The following CADM2 variants were observed in gnomAD, a reference collection of about 807,000 sequenced individuals.
CADM2 encodes immunoglobulin superfamily member 4D.
CADM2 carries 12 observed loss-of-function variants against 49.8 expected under a neutral mutation model. That is an observed-to-expected ratio of 0.24 (90% CI 0.15 to 0.39). CADM2 has a LOEUF of 0.39. Among genes scored for constraint, CADM2 ranks in the 10% least tolerant of loss-of-function variants. CADM2 has a pLI of 1.00. For missense variants in CADM2, 378 were observed against 492.3 expected, an observed-to-expected ratio of 0.77 and a Z score of 2.20; for synonymous variants, 214 against 175.4, an observed-to-expected ratio of 1.22 and a Z score of -1.74.
intron 1 of CADM2, among the ~76,000 whole-genome samples, chr3:85,547,362 A>G (rs1014371230): frequency 1.3e-5 from 2 of 152,222 alleles, no homozygotes; most frequent in Non-Finnish European, 2.9e-5. Context: ...AACCAAGAAA[A>G]TATGAAGTGA....
intron 8 of CADM2, among the ~76,000 whole-genome samples, chr3:85,984,656 A>G (rs1727876896): frequency 6.6e-6 from 1 of 151,948 alleles, no homozygotes; most frequent in Non-Finnish European, 1.5e-5. Context: ...GATGTAAACC[A>G]GTATACACTG....
intron 1 of CADM2, among the ~76,000 whole-genome samples, chr3:85,463,226 C>G (rs528871761): frequency 1.3e-5 from 2 of 152,126 alleles, no homozygotes; most frequent in Admixed American, 1.3e-4. Flanking sequence ...GTTTCATAGG[C>G]CTTGTGAATG....
At chr3:85,983,590 CA>C (rs1487999395) in intron 8 of CADM2, among the ~76,000 whole-genome samples, 1 of 151,612 alleles carries the variant, frequency 6.6e-6, no homozygotes, top group Non-Finnish European at 1.5e-5. Flanking sequence ...GTAAAACAAA[CA>C]TGTTTACCAG....
At chr3:85,398,007 C>CA (rs1553718154) in intron 1 of CADM2, among the ~76,000 whole-genome samples, 1 of 148,508 alleles carries the variant, frequency 6.7e-6, no homozygotes, top group African/African-American at 2.5e-5. Flanking sequence ...TTTTCTTTTT[C>CA]TTTTTTTTTT....
intron 1 of CADM2, among the ~76,000 whole-genome samples, chr3:85,563,896 T>A (rs1276011703): frequency 6.6e-6 from 1 of 152,154 alleles, no homozygotes. Context: ...AACATAATCC[T>A]AGATCTTAAA....
At chr3:85,756,868 G>A (rs757888230) in intron 2 of CADM2, among the ~76,000 whole-genome samples, 82 of 152,068 alleles carry the variant, frequency 5.4e-4, no homozygotes, top group Non-Finnish European at 9.6e-4. Context: ...TCCCAAAGCT[G>A]AAAATTTAGG....
intron 1 of CADM2, among the ~76,000 whole-genome samples, chr3:85,250,658 C>T (rs569544408): frequency 6.6e-6 from 1 of 151,614 alleles, no homozygotes; most frequent in East Asian, 1.9e-4. Flanking sequence ...AGTTACATAT[C>T]TTTGGTATCT....
intron 1 of CADM2, among the ~76,000 whole-genome samples, chr3:85,591,674 T>G (rs2063112466): frequency 6.6e-6 from 1 of 151,992 alleles, no homozygotes; most frequent in Non-Finnish European, 1.5e-5. Context: ...GCAAGCTAAC[T>G]TTTCACCAAG....
chr3:85,071,201 AG>A (rs1395136086), intron 1 of CADM2, among the ~76,000 whole-genome samples: 1 of 151,968 alleles, frequency 6.6e-6, no homozygotes, highest in African/African-American at 2.4e-5. Context: ...TATATAGGTA[AG>A]ATGGGAGGGA....
At chr3:85,898,245 A>G (rs2108440809) in intron 5 of CADM2, among the ~76,000 whole-genome samples, 1 of 152,274 alleles carries the variant, frequency 6.6e-6, no homozygotes, top group East Asian at 1.9e-4. Flanking sequence ...GAAATCATTG[A>G]GAGTCTTTAC....
chr3:85,132,659 T>G (rs372632744), intron 1 of CADM2, among the ~76,000 whole-genome samples: 2 of 151,888 alleles, frequency 1.3e-5, no homozygotes, highest in Non-Finnish European at 2.9e-5. Context: ...CATTAGACCC[T>G]CTCAGTAATT....
intron 1 of CADM2, among the ~76,000 whole-genome samples, chr3:84,964,294 A>C (rs941820033): frequency 3.3e-5 from 5 of 152,204 alleles, no homozygotes; most frequent in African/African-American, 1.2e-4. Context: ...CATCCTAAGC[A>C]TGCATTTGAA....
intron 1 of CADM2, among the ~76,000 whole-genome samples, chr3:85,608,554 C>T (rs965244598): frequency 1.3e-5 from 2 of 152,248 alleles, no homozygotes; most frequent in East Asian, 1.9e-4. Flanking sequence ...AAGACAGACA[C>T]AAGTGAATGG....
intron 1 of CADM2, among the ~76,000 whole-genome samples, chr3:85,112,540 C>G (rs1451608655): frequency 1.3e-5 from 2 of 151,698 alleles, no homozygotes; most frequent in African/African-American, 4.8e-5. Context: ...TGATTTCACC[C>G]CGTATAAAGT....
chr3:85,739,778 CAT>C (rs1274286063), intron 2 of CADM2, among the ~76,000 whole-genome samples: 1 of 152,050 alleles, frequency 6.6e-6, no homozygotes. Context: ...TCAGCTATCT[CAT>C]ATAACATAAG....
intron 1 of CADM2, among the ~76,000 whole-genome samples, chr3:85,110,572 A>G (rs879572756): frequency 1.3e-5 from 2 of 151,966 alleles, no homozygotes; most frequent in Non-Finnish European, 2.9e-5. Flanking sequence ...AAGGTTTTTC[A>G]TAGATCAATG....
rs564644722 is a variant in CADM2, at chr3:85,662,226, T to A, written c.62-64296T>A. 3.2e-3 allele frequency among the ~76,000 whole-genome samples: 458 copies of A among 142,084 alleles called. 4 individuals are homozygous for A. The highest frequency in any genetic ancestry group is 5.2e-3 in the Non-Finnish European group (347 of 66,202). The allele number at this position is 142,084 out of a possible 152,430, so 93.2% of individuals were successfully genotyped here. On this transcript the variant is annotated intron_variant, in intron 1 of 9. Coordinates refer to ENST00000383699, the MANE Select transcript of CADM2 (RefSeq NM_001167675.2). ...TTTAGTCATTAAAATTTTGACAGTA[T>A]AGGTGGGTTTTTTTTTTTTTTTGGT...
intron 8 of CADM2, among the ~76,000 whole-genome samples, chr3:85,964,733 G>T (rs999850103): frequency 2.0e-5 from 3 of 151,678 alleles, no homozygotes; most frequent in African/African-American, 7.3e-5. Context: ...CACTGTGAAG[G>T]TTCCATTAAG....
intron 8 of CADM2, chr3:86,013,358 G>T (rs1397977936): frequency 6.5e-7 from 1 of 1,541,104 alleles, no homozygotes; most frequent in African/African-American, 1.4e-5. Flanking sequence ...TTGAATTATT[G>T]ATTCTGATGG....
Sources: allele counts gnomAD v4.1 joint callset (sites outside exome capture counted in the v4.1 genomes callset), GRCh38; gene constraint gnomAD v4.1.1; transcripts MANE v1.5; gene names NCBI Gene and HGNC (gene_info 2026-07-23, HGNC 2026-07-21).